KLHL10: variants seen among roughly 807,000 people sequenced by gnomAD.
The protein encoded by KLHL10 is kelch like family member 10.
Under a neutral mutation model 46.6 loss-of-function variants are expected in KLHL10, and 11 were observed. The observed-to-expected ratio is 0.24, with a 90% CI of 0.15 to 0.39. KLHL10 has a LOEUF of 0.39. Among genes scored for constraint, KLHL10 ranks in the 10% least tolerant of loss-of-function variants. The pLI is 1.00. For missense variants in KLHL10, 475 were observed against 789.8 expected, an observed-to-expected ratio of 0.60 and a Z score of 4.78; for synonymous variants, 254 against 279.1, an observed-to-expected ratio of 0.91 and a Z score of 0.90.
chr17:41,838,159 G>A, intron 1 of KLHL10, 33 bp downstream of exon 1: 16 of 1,537,414 alleles, frequency 1.0e-5, no homozygotes, highest in Non-Finnish European at 1.4e-5. Flanking sequence ...AGCCAAAGGG[G>A]TAATTGGGCT....
At chr17:41,836,197 G>T (rs1211425770), upstream of KLHL10, 2 of 1,249,874 alleles carry the variant, frequency 1.6e-6, no homozygotes, top group Non-Finnish European at 2.0e-6. Context: ...CTGCCATCCC[G>T]TTCGAGGCCT....
chr17:41,845,238 T>C lies in KLHL10; in HGVS notation c.797T>C (p.Met266Thr), dbSNP rs1164299648. The change falls in exon 3 of 5, where the codon ATG becomes ACG. Residue 266 changes from methionine to threonine, a missense_variant. Transcript: ENST00000293303. ...GTCATCATTAATGCCCTAAAGGCCA[T>C]GTATGACCTCAACATGAATGGACCC... is the stretch of plus-strand genomic sequence containing the variant. ...KPVIINALKA[M>T]YDLNMNGPSN... 4 of 1,614,132 alleles carry C rather than the reference T, an allele frequency of 2.5e-6. No individual in the cohort carries two copies. In the African/African-American group the frequency reaches 4.0e-5, roughly 16 times the overall value.
rs377399919 is a variant in KLHL10 at position 41,845,364 on chromosome 17, T to C, written c.923T>C (p.Ile308Thr). Residue 308 changes from isoleucine to threonine, a missense_variant, in exon 3 of 5, where the codon ATT (isoleucine) becomes ACT (threonine). By Grantham distance (89) the Ile-to-Thr change is moderately conservative. Transcript: ENST00000293303. ...GWSGGSPTNA[I>T]EAYDARADRW... ...AGTGGTGGGAGCCCCACCAATGCCATTGAGGCATATGACGCTCGGGCAGAC... is the reference window on the plus strand; with the variant it reads ...AGTGGTGGGAGCCCCACCAATGCCACTGAGGCATATGACGCTCGGGCAGAC... The C allele has an allele frequency of 1.7e-5, 27 of 1,614,062 alleles. No homozygotes were observed. In the African/African-American group the frequency reaches 2.0e-4, roughly 12 times the overall value.
chr17:41,836,476 G>A, upstream of KLHL10: 1 of 984,108 alleles, frequency 1.0e-6, no homozygotes, highest in Non-Finnish European at 1.2e-6. Context: ...CACTCTTTGT[G>A]GAGGAAAAGC....
Sources: allele counts gnomAD v4.1 joint callset, GRCh38; gene constraint gnomAD v4.1.1; transcripts MANE v1.5; gene names NCBI Gene and HGNC (gene_info 2026-07-23, HGNC 2026-07-21).